PLXNA3: variants seen among roughly 807,000 people sequenced by gnomAD.
PLXNA3 encodes the protein plexin-A3.
PLXNA3 carries 52 observed loss-of-function variants against 118.8 expected under a neutral mutation model. The ratio of observed to expected loss-of-function variants is 0.44; its 90% CI spans 0.35 to 0.55. The LOEUF (loss-of-function observed/expected upper bound fraction) is 0.55, where lower values mean the gene tolerates loss of function less well. Ranked by LOEUF, PLXNA3 falls within the 20% of genes least tolerant of loss-of-function variation. The pLI, the probability that PLXNA3 is intolerant of heterozygous loss-of-function variation, is 0.01. For missense variants in PLXNA3, 1,660 were observed against 1,730.8 expected (o/e 0.96, Z 0.73); for synonymous variants, 925 against 762.4 (o/e 1.21, Z -3.51).
chrX:154,467,232 A>G lies in PLXNA3; in HGVS notation c.3202A>G (p.Thr1068Ala). 1.7e-6 allele frequency: 2 copies of G among 1,210,165 alleles called. No homozygotes were observed. The highest frequency in any genetic ancestry group is 3.5e-5 in the South Asian group (2 of 56,988). ...AKYRGIETTN[T>A]CQVINDTAML... ...TGGCTGTCCACCTTTGTCCCCACAG[A>G]CATGCCAAGTGATCAACGACACTGC... Residue 1068 changes from threonine to alanine, a missense_variant and splice_region_variant, in exon 19 of 33, where the codon ACA becomes GCA. This residue lies in a region of PLXNA3 where 869 missense variants were observed against 1,078.7 expected (regional missense o/e 0.81). Coordinates refer to ENST00000369682, the MANE Select transcript of PLXNA3 (RefSeq NM_017514.5).
At position 154,462,131 on chromosome X, in the gene PLXNA3, A is replaced by G. The variant is rs1557204889; in HGVS notation, c.1138A>G (p.Met380Val). Residue 380 changes from methionine (M) to valine (V), a missense_variant, in exon 4 of 33, where the codon ATG (methionine) becomes GTG (valine). Physicochemically the swap from Met to Val is conservative, Grantham distance 21. Coordinates refer to ENST00000369682, the MANE Select transcript of PLXNA3 (RefSeq NM_017514.5). ...GGTTCCTCCTCTGTTTCACCAGCCC[A>G]TGCAGATCAACGGCAACTTCTGTGG... Reference protein sequence around the residue: ...NKELPCINTPMQINGNFCGLV... With the variant: ...NKELPCINTPVQINGNFCGLV... 4.2e-6 allele frequency: 5 copies of G among 1,190,918 alleles called. No homozygotes were observed. Among genetic ancestry groups the G allele is most frequent in the Non-Finnish European group, 5.7e-6 (5 of 884,657 alleles).
chrX:154,462,482 G>A (rs370607565), intron 4 of PLXNA3, among the ~76,000 whole-genome samples, 172 bp downstream of exon 4: 85 of 112,047 alleles, frequency 7.6e-4, no homozygotes, highest in African/African-American at 1.7e-3. Context: ...TCCTCGGGTC[G>A]CCCCTTGGCC....
In PLXNA3 at chrX:154,460,625, C is replaced by G. The variant is rs782541515; in HGVS notation, c.442C>G (p.Pro148Ala). The G allele has an allele frequency of 1.7e-6, 2 of 1,188,794 alleles. No homozygotes were observed. Residue 148 changes from proline (P) to alanine (A), a missense_variant, in exon 2 of 33, where the codon CCC becomes GCC. Transcript: ENST00000369682. The part of the protein sequence containing the change: ...KEHYLSGAQE[P>A]DSMAGVIVEQ... Reference sequence around the variant, plus strand: ...GCACTACCTGTCGGGGGCCCAGGAGCCCGACTCCATGGCTGGTGTCATTGT... The same window carrying G: ...GCACTACCTGTCGGGGGCCCAGGAGGCCGACTCCATGGCTGGTGTCATTGT...
chrX:154,466,758 C>T lies in PLXNA3; in HGVS notation c.3072C>T (p.Thr1024=), dbSNP rs201749397. ...GLIYTYTQDP[T]VTRLEPTWSI... Reference sequence around the variant, plus strand: ...TCTACACCTACACTCAGGACCCCACCGTCACCCGCCTTGAGCCCACCTGGA... The same window carrying T: ...TCTACACCTACACTCAGGACCCCACTGTCACCCGCCTTGAGCCCACCTGGA... Residue 1024 remains threonine, a synonymous_variant, in exon 17 of 33, where the codon ACC becomes ACT. Coordinates refer to ENST00000369682, the MANE Select transcript of PLXNA3 (RefSeq NM_017514.5). The T allele has an allele frequency of 6.3e-5, 75 of 1,189,550 alleles. 1 individual carries two copies. Among genetic ancestry groups the T allele is most frequent in the South Asian group, 5.6e-4 (30 of 53,935 alleles).
Position 154,461,444 on chromosome X carries a change from G to A in PLXNA3, c.940G>A (p.Glu314Lys). The stretch of plus-strand genomic sequence containing the variant: ...CCAGGCCCTGGGCGTGCCGGCTGAT[G>A]AGGACGTCCTCTTCACCATCTTCTC... ...LAQALGVPAD[E>K]DVLFTIFSQG... The change falls in exon 3 of 33, where the codon GAG becomes AAG. Residue 314 changes from glutamate to lysine, a missense_variant. Physicochemically the swap from Glu to Lys is moderately conservative, Grantham distance 56. Around this residue, in one of 2 missense-constraint regions of PLXNA3, gnomAD observed 791 missense variants for 652.1 expected, o/e 1.21. Transcript: ENST00000369682. 1 of 1,211,523 alleles carries A rather than the reference G, an allele frequency of 8.3e-7. No homozygotes were observed. The highest frequency in any genetic ancestry group is 1.1e-6 in the Non-Finnish European group (1 of 895,282).
At chrX:154,467,499 G>A in intron 19 of PLXNA3, 28 bp downstream of exon 19, 1 of 1,129,129 alleles carries the variant, frequency 8.9e-7, no homozygotes, top group Admixed American at 2.6e-5. Flanking sequence ...GCGGGGAGGG[G>A]CGGGAAAGTG....
Position 154,461,402 on chromosome X carries a change from C to G in PLXNA3, c.898C>G (p.Pro300Ala), listed in dbSNP as rs368403392. The change falls in exon 3 of 33, where the codon CCT becomes GCT. Residue 300 changes from proline to alanine, a missense_variant. By Grantham distance (27) the Pro-to-Ala change is conservative (BLOSUM62 -1). This residue lies in a region of PLXNA3 where 791 missense variants were observed against 652.1 expected (regional missense o/e 1.21). Coordinates refer to ENST00000369682, the MANE Select transcript of PLXNA3 (RefSeq NM_017514.5). ...RLVQSAHLAK[P>A]GLLLAQALGV... is the part of the protein sequence containing the mutation. ...GGTGCAGAGCGCCCACCTGGCCAAG[C>G]CTGGCCTGCTGCTGGCCCAGGCCCT... 5.8e-6 allele frequency: 7 copies of G among 1,210,763 alleles called. No homozygotes were observed. Among genetic ancestry groups the G allele is most frequent in the African/African-American group, 3.5e-5 (2 of 57,764 alleles).
Position 154,467,912 on chromosome X carries a change from G to T in PLXNA3, c.3731G>T (p.Arg1244Leu), listed in dbSNP as rs782526213. 1.7e-6 allele frequency: 2 copies of T among 1,210,439 alleles called. No individual in the cohort carries two copies. The highest frequency in any genetic ancestry group is 2.2e-6 in the Non-Finnish European group (2 of 895,073). ...AITAVLVAYKRKTQDADRTLK... is the reference protein window; with the variant it reads ...AITAVLVAYKLKTQDADRTLK... ...ACAGCCGTGCTGGTGGCCTACAAGCGCAAGACTCAGGACGCGGACCGTACC... is the reference window on the plus strand; with the variant it reads ...ACAGCCGTGCTGGTGGCCTACAAGCTCAAGACTCAGGACGCGGACCGTACC... Residue 1244 changes from arginine to leucine, a missense_variant, in exon 21 of 33, where the codon CGC becomes CTC. Arg to Leu is a moderately radical substitution (Grantham distance 102). Around this residue, in one of 2 missense-constraint regions of PLXNA3, gnomAD observed 869 missense variants for 1,078.7 expected, o/e 0.81. Transcript: ENST00000369682.
At chrX:154,464,541 A>G (rs1322782325) in intron 9 of PLXNA3, 40 bp downstream of exon 9, 1 of 1,091,943 alleles carries the variant, frequency 9.2e-7, no homozygotes, top group African/African-American at 1.8e-5. Context: ...CCCTGGGGAT[A>G]GAGGGGACCT....
At position 154,460,289 on chromosome X, in the gene PLXNA3, C is replaced by T; in HGVS notation, c.106C>T (p.Leu36=). 8.3e-7 allele frequency: 1 copy of T among 1,209,927 alleles called. No homozygotes were observed. The highest frequency in any genetic ancestry group is 2.2e-5 in the Admixed American group (1 of 46,132). The change falls in exon 2 of 33, where the codon CTG becomes TTG. Residue 36 remains leucine, a synonymous_variant. Transcript: ENST00000369682. ...GGTGACAGACACCACGCTTACCCAC[C>T]TGGCTGTGCACCGGGTGACTGGGGA... ...FVVTDTTLTH[L]AVHRVTGEVF...
At chrX:154,472,368 G>C (rs782087594) in intron 32 of PLXNA3, among the ~76,000 whole-genome samples, 54 of 110,250 alleles carry the variant, frequency 4.9e-4, no homozygotes, top group Non-Finnish European at 9.1e-4. Context: ...GGTCACTCTA[G>C]GGACAGGCCG....
Position 154,465,256 on chromosome X carries a change from C to CTGTGGCGTGG in PLXNA3, c.2244+44_2244+53dup, listed in dbSNP as rs781873245. On this transcript the variant is annotated intron_variant, in intron 11 of 32. Coordinates refer to ENST00000369682, the MANE Select transcript of PLXNA3 (RefSeq NM_017514.5). Reference sequence around the variant, plus strand: ...CCGCTGCCTCCCTTCGGGGTCTGGGCTGTGGCGTGGTGTGGATCGTTCTTG... The same window carrying CTGTGGCGTGG: ...CCGCTGCCTCCCTTCGGGGTCTGGGCTGTGGCGTGGTGTGGCGTGGTGTGGATCGTTCTTG... 146 of 1,141,885 alleles carry CTGTGGCGTGG rather than the reference C, an allele frequency of 1.3e-4. 1 individual carries two copies. In the African/African-American group the frequency reaches 2.4e-3, roughly 19 times the overall value. 94.1% of individuals were successfully genotyped at this position (1,141,885 alleles called of 1,213,427 possible). A position where few individuals can be genotyped will look rare whatever the true frequency, so the allele number is the denominator to read the frequency against.
chrX:154,462,069 G>C, intron 3 of PLXNA3, 59 bp from the exon 4 acceptor site: 1 of 999,856 alleles, frequency 1.0e-6, no homozygotes, highest in Admixed American at 2.9e-5. Flanking sequence ...AGGAACTGCC[G>C]GCCTCCATCT....
Position 154,466,632 on chromosome X carries a change from C to G in PLXNA3, c.2946C>G (p.Ala982=). The G allele has an allele frequency of 8.3e-7, 1 of 1,201,644 alleles. No homozygotes were observed. The highest frequency in any genetic ancestry group is 1.1e-6 in the Non-Finnish European group (1 of 890,758). ...CTGCTTGCCAATGTAGGAGAGATGC[C>G]AAGGCGATCGTGTGCATCTCACCTC... is the stretch of plus-strand genomic sequence containing the variant. The part of the protein sequence containing the change: ...DSECQFVRRD[A]KAIVCISPLS... Residue 982 remains alanine (A), a synonymous_variant, in exon 17 of 33, where the codon GCC becomes GCG. Coordinates refer to ENST00000369682, the MANE Select transcript of PLXNA3 (RefSeq NM_017514.5).
Position 154,467,023 on chromosome X carries a change from A to AGG in PLXNA3, c.3108-33_3108-32dup, listed in dbSNP as rs782744337. 7 of 1,141,034 alleles carry AGG rather than the reference A, an allele frequency of 6.1e-6. No individual in the cohort carries two copies. The Admixed American group carries it at 1.5e-4, about 25-fold the overall frequency. The allele number at this position is 1,141,034 out of a possible 1,213,427, so 94.0% of individuals were successfully genotyped here. A position where few individuals can be genotyped will look rare whatever the true frequency, so the allele number is the denominator to read the frequency against. The stretch of plus-strand genomic sequence containing the variant: ...CTCCAGGGCTGGGTGGGTGCACTGG[A>AGG]GGAGGGAGCCTGAGGCCCCTGCCCT... On this transcript the variant is annotated intron_variant, in intron 17 of 32. Coordinates refer to ENST00000369682, the MANE Select transcript of PLXNA3 (RefSeq NM_017514.5).
chrX:154,462,093 T>G, intron 3 of PLXNA3, 35 bp from the exon 4 acceptor site: 1 of 1,132,534 alleles, frequency 8.8e-7, no homozygotes, highest in Non-Finnish European at 1.2e-6. Flanking sequence ...GCCTGGGAGC[T>G]TTGACTCTCA....
rs1557203741 is a variant in PLXNA3 at position 154,460,745 on chromosome X, A to G, written c.562A>G (p.Ser188Gly). The change falls in exon 2 of 33, where the codon AGT becomes GGT. Residue 188 changes from serine (S) to glycine (G), a missense_variant. By Grantham distance (56) the Ser-to-Gly change is moderately conservative. Around this residue, in one of 2 missense-constraint regions of PLXNA3, gnomAD observed 791 missense variants for 652.1 expected, o/e 1.21. Transcript: ENST00000369682. The part of the protein sequence containing the change: ...FPTLSSRKLI[S>G]DEDSADMFSL... Reference sequence around the variant, plus strand: ...CACCTTGAGCTCCCGCAAGCTCATCAGTGATGAAGACAGCGCGGACATGTT... The same window carrying G: ...CACCTTGAGCTCCCGCAAGCTCATCGGTGATGAAGACAGCGCGGACATGTT... 8.8e-7 allele frequency: 1 copy of G among 1,130,234 alleles called. No individual in the cohort carries two copies. The highest frequency in any genetic ancestry group is 2.1e-5 in the South Asian group (1 of 47,317). 93.1% of individuals were successfully genotyped at this position (1,130,234 alleles called of 1,213,427 possible).
In PLXNA3 at chrX:154,460,672, C is replaced by T; in HGVS notation, c.489C>T (p.Ser163=). 8.6e-7 allele frequency: 1 copy of T among 1,164,713 alleles called. No homozygotes were observed. Among genetic ancestry groups the T allele is most frequent in the Non-Finnish European group, 1.1e-6 (1 of 873,524 alleles). Residue 163 remains serine, a synonymous_variant, in exon 2 of 33, where the codon AGC becomes AGT. Coordinates refer to ENST00000369682, the MANE Select transcript of PLXNA3 (RefSeq NM_017514.5). ...TTGTGGAGCAGGGCCAGGGGCCCAGCAAGCTGTTTGTGGGCACTGCTGTCG... is the reference window on the plus strand; with the variant it reads ...TTGTGGAGCAGGGCCAGGGGCCCAGTAAGCTGTTTGTGGGCACTGCTGTCG... ...GVIVEQGQGP[S]KLFVGTAVDG...
chrX:154,459,626 C>G (rs186864008), intron 1 of PLXNA3, among the ~76,000 whole-genome samples: 47 of 112,192 alleles, frequency 4.2e-4, no homozygotes, highest in East Asian at 2.8e-4. Flanking sequence ...AGGCCCTTGT[C>G]GGGGAGGCAG....
Sources: gnomAD v4.1 joint callset for allele counts (sites outside exome capture counted in the v4.1 genomes callset) on GRCh38, gnomAD v4.1.1 for gene constraint, gnomAD v4.1.1 regional missense constraint, MANE v1.5 for transcripts, NCBI Gene and HGNC (gene_info 2026-07-23, HGNC 2026-07-21) for gene names.